Variants in RECQL5 observed in about 807,000 individuals in gnomAD.
RECQL5 encodes ATP-dependent DNA helicase Q5.
In RECQL5, 88 loss-of-function variants were observed where a neutral mutation model predicts 103.4. The ratio of observed to expected loss-of-function variants is 0.85; its 90% confidence interval spans 0.72 to 1.02. RECQL5 has a LOEUF of 1.02. RECQL5 is among the 50% of genes least tolerant of loss of function. RECQL5 has a pLI of 0.00. For synonymous variants in RECQL5, 552 were observed against 507.9 expected, an observed-to-expected ratio of 1.09 and a Z score of -1.17; for missense variants, 1,232 against 1,284.3, an observed-to-expected ratio of 0.96 and a Z score of 0.62.
At chr17:75,656,283 G>A (rs2148328943) in intron 7 of RECQL5, among the ~76,000 whole-genome samples, 1 of 151,622 alleles carries the variant, frequency 6.6e-6, no homozygotes, top group East Asian at 2.0e-4. Flanking sequence ...TCTCCATGTT[G>A]GTCAGGCTGG....
At chr17:75,660,449 C>T (rs142495600) in intron 6 of RECQL5, among the ~76,000 whole-genome samples, 67 of 152,340 alleles carry the variant, frequency 4.4e-4, no homozygotes, top group Non-Finnish European at 8.2e-4. Context: ...TTACATAAAT[C>T]TAGATGGTAC....
At chr17:75,634,938 C>T (rs1427201343) in intron 8 of RECQL5, among the ~76,000 whole-genome samples, 1 of 152,182 alleles carries the variant, frequency 6.6e-6, no homozygotes, top group Non-Finnish European at 1.5e-5. Context: ...GCTGACATGA[C>T]ACCACCCCTA....
Position 75,628,327 on chromosome 17 carries a change from G to T in RECQL5, c.2696C>A (p.Ala899Asp). 1 of 1,614,162 alleles carries T rather than the reference G, an allele frequency of 6.2e-7. No homozygotes were observed. The highest frequency in any genetic ancestry group is 8.5e-7 in the Non-Finnish European group (1 of 1,180,032). ...ASEQGTLNPT[A>D]QDPFQLSAPG... ...AGCGGAGAGCTGGAAGGGGTCTTGA[G>T]CCGTGGGATTCAAGGTGCCCTGTTC... The change falls in exon 18 of 20, where the codon GCT (alanine) becomes GAT (aspartate). Residue 899 changes from alanine (A) to aspartate (D), a missense_variant. Ala to Asp is a moderately radical substitution (Grantham distance 126). Coordinates refer to ENST00000317905, the MANE Select transcript of RECQL5 (RefSeq NM_004259.7).
intron 7 of RECQL5, among the ~76,000 whole-genome samples, chr17:75,657,745 C>CT: frequency 7.8e-6 from 1 of 129,012 alleles, no homozygotes; most frequent in South Asian, 2.5e-4. Flanking sequence ...GACCTTGTCT[C>CT]TTAAAAAAAA....
At chr17:75,659,725 C>T (rs2059674162) in intron 6 of RECQL5, among the ~76,000 whole-genome samples, 2 of 152,174 alleles carry the variant, frequency 1.3e-5, no homozygotes, top group Admixed American at 1.3e-4. Context: ...AAAATTTCGT[C>T]CCTAACTCAG....
intron 8 of RECQL5, chr17:75,641,143 G>T: frequency 1.7e-6 from 1 of 578,430 alleles, no homozygotes; most frequent in Non-Finnish European, 2.8e-6. Flanking sequence ...TCAAAGACTG[G>T]GTCAACTGCC....
In RECQL5 at chr17:75,666,427, C is replaced by T. The variant is rs1304018498; in HGVS notation, c.130+1G>A. On this transcript the variant is annotated splice_donor_variant, in intron 2 of 19. Transcript: ENST00000317905. LOFTEE classifies it high-confidence loss of function. The stretch of plus-strand genomic sequence containing the variant: ...AAAGGAAGGTAGCTTGGTAATGTTA[C>T]CTTTTACTACAGCCATGGTCGCACT... The T allele has an allele frequency of 6.2e-7, 1 of 1,613,674 alleles. No homozygotes were observed. Among genetic ancestry groups the T allele is most frequent in the Non-Finnish European group, 8.5e-7 (1 of 1,179,856 alleles).
chr17:75,636,292 C>CG lies in RECQL5; in HGVS notation c.1230-4625dup, dbSNP rs1371592891. On this transcript the variant is annotated intron_variant, in intron 8 of 19. Coordinates refer to ENST00000317905, the MANE Select transcript of RECQL5 (RefSeq NM_004259.7). The surrounding 1 kb of genome is among the most constrained non-coding windows in gnomAD (Gnocchi z 5.4). ...TGGTTCGCAGGTGGGCACTACCAAGCGTGGGGTTGGGAGGGACTGGTTGCC... is the reference window on the plus strand; with the variant it reads ...TGGTTCGCAGGTGGGCACTACCAAGCGGTGGGGTTGGGAGGGACTGGTTGCC... Among the ~76,000 whole-genome samples, 1 of 151,794 alleles carries CG rather than the reference C, an allele frequency of 6.6e-6. No individual in the cohort carries two copies. The highest frequency in any genetic ancestry group is 2.4e-5 in the African/African-American group (1 of 41,268).
chr17:75,661,890 A>G (rs952020333), intron 4 of RECQL5, among the ~76,000 whole-genome samples, 182 bp from the exon 5 acceptor site: 8 of 152,138 alleles, frequency 5.3e-5, no homozygotes, highest in Admixed American at 1.3e-4. Context: ...GCTGGATGCA[A>G]TGGTTCATGC....
chr17:75,647,305 G>A (rs965835119), intron 8 of RECQL5: 1 of 1,395,202 alleles, frequency 7.2e-7, no homozygotes. Flanking sequence ...GGCGGGCAGA[G>A]CATAGCACCT....
chr17:75,660,845 C>A, intron 6 of RECQL5, 110 bp downstream of exon 6: 1 of 804,382 alleles, frequency 1.2e-6, no homozygotes, highest in Non-Finnish European at 2.2e-6. Flanking sequence ...AGCTTCCTTC[C>A]CCTCTAGCCC....
At position 75,627,464 on chromosome 17, in the gene RECQL5, C is replaced by T. The variant is rs750876695; in HGVS notation, c.2934G>A (p.Glu978=). Residue 978 remains glutamate (E), a synonymous_variant, in exon 20 of 20, where the codon GAG becomes GAA. Transcript: ENST00000317905. ...RHFFHGRARC[E]SEADWHGLCG... is the part of the protein sequence containing the mutation. ...ACAGGCCATGCCAGTCAGCTTCGCT[C>T]TCGCACCGGGCCCGGCCATGGAAGA... 1.2e-6 allele frequency: 2 copies of T among 1,613,650 alleles called. No homozygotes were observed. Among genetic ancestry groups the T allele is most frequent in the East Asian group, 2.2e-5 (1 of 44,874 alleles).
intron 7 of RECQL5, among the ~76,000 whole-genome samples, chr17:75,656,813 C>A (rs1352077915): frequency 2.7e-5 from 4 of 148,430 alleles, no homozygotes; most frequent in Non-Finnish European, 4.4e-5. Context: ...GGCGTGATCT[C>A]GGCTCACTGC....
Position 75,647,879 on chromosome 17 carries a change from T to C in RECQL5, c.1229+3307A>G, listed in dbSNP as rs1599031809. 2.2e-5 allele frequency: 6 copies of C among 272,276 alleles called. No individual in the cohort carries two copies. In the South Asian group the frequency reaches 7.8e-4, roughly 35 times the overall value. The allele number at this position is 272,276 out of a possible 1,614,324, so 16.9% of individuals were successfully genotyped here. On this transcript the variant is annotated intron_variant, in intron 8 of 19. Coordinates refer to ENST00000317905, the MANE Select transcript of RECQL5 (RefSeq NM_004259.7). ...GTGGAAGGAGCTATGGCTAACAAGG[T>C]TCTCTAACAGGCTCACAGGCCCAGC...
chr17:75,662,363 T>G, intron 4 of RECQL5, 116 bp downstream of exon 4: 2 of 1,144,848 alleles, frequency 1.7e-6, no homozygotes, highest in Middle Eastern at 3.1e-4. Context: ...TGCACAAGTT[T>G]TAGGAAGCCT....
intron 4 of RECQL5, 70 bp downstream of exon 4, chr17:75,662,408 CT>C: frequency 6.6e-7 from 1 of 1,507,146 alleles, no homozygotes. Flanking sequence ...AGGTCTTAGA[CT>C]AATCTCCATC....
At chr17:75,647,526 C>A (rs1207817383) in intron 8 of RECQL5, 1 of 1,550,344 alleles carries the variant, frequency 6.5e-7, no homozygotes, top group East Asian at 2.4e-5. Flanking sequence ...TACTCACTTC[C>A]ACAGAAAACA....
At position 75,630,305 on chromosome 17, in the gene RECQL5, G is replaced by A. The variant is rs753882828; in HGVS notation, c.1719-28C>T. ...GTGGGTGCAAGGTAACAGGCACAAG[G>A]TATCAGGTGGGCCTGGGCTTCTCCC... On this transcript the variant is annotated intron_variant, in intron 13 of 19. Coordinates refer to ENST00000317905, the MANE Select transcript of RECQL5 (RefSeq NM_004259.7). 4.6e-6 allele frequency: 7 copies of A among 1,523,940 alleles called. No homozygotes were observed. In the Admixed American group the frequency reaches 1.5e-4, roughly 32 times the overall value. 94.4% of individuals were successfully genotyped at this position (1,523,940 alleles called of 1,614,324 possible).
chr17:75,632,045 C>A (rs538277041), intron 8 of RECQL5, among the ~76,000 whole-genome samples: 61 of 152,350 alleles, frequency 4.0e-4, no homozygotes, highest in African/African-American at 1.3e-3. Context: ...AAAGCCCATG[C>A]ATTCCCGTCA....
Sources: gnomAD v4.1 joint callset for allele counts (sites outside exome capture counted in the v4.1 genomes callset) on GRCh38, gnomAD v4.1.1 for gene constraint, Gnocchi (gnomAD v3.1) non-coding constraint, MANE v1.5 for transcripts, NCBI Gene and HGNC (gene_info 2026-07-23, HGNC 2026-07-21) for gene names.